The following DRC9 variants were observed in gnomAD, a reference collection of about 807,000 sequenced individuals.
DRC9 encodes the protein dynein regulatory complex subunit 9.
At chr3:197,948,073 C>G in the DRC9 span, among the ~76,000 whole-genome samples, 2 of 151,390 alleles carry the variant, frequency 1.3e-5, no homozygotes, top group Non-Finnish European at 2.9e-5. Context: ...GCTGGGATGA[C>G]AGGCACACAC....
At chr3:197,892,118 G>T in the DRC9 span, among the ~76,000 whole-genome samples, 2 of 152,234 alleles carry the variant, frequency 1.3e-5, no homozygotes, top group Admixed American at 6.5e-5. Flanking sequence ...TCAAACTCCT[G>T]ATCTCTACTG....
At chr3:197,952,081 T>G in the DRC9 span, among the ~76,000 whole-genome samples, 4 of 152,166 alleles carry the variant, frequency 2.6e-5, no homozygotes, top group African/African-American at 9.7e-5. Context: ...CTAATTTTTT[T>G]TCTCGGCTCC....
chr3:197,926,855 C>T, the DRC9 span, among the ~76,000 whole-genome samples: 1 of 152,158 alleles, frequency 6.6e-6, no homozygotes, highest in Non-Finnish European at 1.5e-5. Flanking sequence ...AAGGTTCCCT[C>T]CCCATTTTCT....
At chr3:197,900,319 C>A in the DRC9 span, among the ~76,000 whole-genome samples, 6 of 152,316 alleles carry the variant, frequency 3.9e-5, no homozygotes, top group African/African-American at 1.4e-4. The surrounding 1 kb of genome is among the most constrained non-coding windows in gnomAD (Gnocchi z 4.7). Flanking sequence ...GTCACCCATC[C>A]CCCAACCTCA....
chr3:197,897,123 A>G, the DRC9 span, among the ~76,000 whole-genome samples: 1 of 152,130 alleles, frequency 6.6e-6, no homozygotes, highest in South Asian at 2.1e-4. Context: ...ACAGAAATAA[A>G]GGACTTTTTA....
chr3:197,944,045 G>A, the DRC9 span: 46 of 1,612,390 alleles, frequency 2.9e-5, no homozygotes, highest in Non-Finnish European at 3.9e-5. Context: ...AGTCTTCCAG[G>A]CTGTCTCTAA....
chr3:197,896,065 G>T, the DRC9 span, among the ~76,000 whole-genome samples: 4 of 150,736 alleles, frequency 2.7e-5, no homozygotes, highest in African/African-American at 9.8e-5. Flanking sequence ...AAAAAAGGCT[G>T]GGCGCAGTGG....
the DRC9 span, among the ~76,000 whole-genome samples, chr3:197,952,019 C>T: frequency 1.3e-5 from 2 of 152,168 alleles, no homozygotes; most frequent in East Asian, 1.9e-4. Context: ...ACCTTTTGCA[C>T]TTGTAAGCAA....
the DRC9 span, among the ~76,000 whole-genome samples, chr3:197,937,453 G>A: frequency 1.1e-4 from 16 of 151,696 alleles, no homozygotes; most frequent in African/African-American, 3.6e-4. Flanking sequence ...TTGCTATCAC[G>A]GTCTTTTTCT....
the DRC9 span, among the ~76,000 whole-genome samples, chr3:197,906,043 G>A: frequency 6.6e-6 from 1 of 152,036 alleles, no homozygotes; most frequent in Admixed American, 6.5e-5. Flanking sequence ...CTCATTTGTG[G>A]CAGTTACCAA....
At chr3:197,946,893 G>A in the DRC9 span, among the ~76,000 whole-genome samples, 1 of 152,054 alleles carries the variant, frequency 6.6e-6, no homozygotes, top group Non-Finnish European at 1.5e-5. Context: ...CGCGATCTTG[G>A]CTCACTGCAA....
At chr3:197,891,178 A>G in the DRC9 span, among the ~76,000 whole-genome samples, 2 of 152,180 alleles carry the variant, frequency 1.3e-5, no homozygotes, top group Admixed American at 6.5e-5. Context: ...TAGTAATCTG[A>G]TATTTCGTCT....
At chr3:197,950,077 A>AG in the DRC9 span, 3 of 1,185,888 alleles carry the variant, frequency 2.5e-6, no homozygotes, top group Non-Finnish European at 3.2e-6. Flanking sequence ...GGCTTATTTC[A>AG]GTGCGAAGCC....
At chr3:197,904,108 A>ATT in the DRC9 span, among the ~76,000 whole-genome samples, 5 of 38,688 alleles carry the variant, frequency 1.3e-4, no homozygotes, top group African/African-American at 3.5e-4. Flanking sequence ...ATATATATAT[A>ATT]TATTTTTTTT....
the DRC9 span, chr3:197,938,837 A>C: frequency 8.3e-7 from 1 of 1,200,794 alleles, no homozygotes; most frequent in Admixed American, 1.9e-5. Flanking sequence ...TACAACAAGA[A>C]AGAGGCCTTT....
chr3:197,901,181 C>T, the DRC9 span, among the ~76,000 whole-genome samples: 4 of 152,152 alleles, frequency 2.6e-5, no homozygotes, highest in Admixed American at 6.5e-5. This position sits in a 1 kb window ranked among gnomAD's most constrained non-coding sequence, Gnocchi z 4.4. Context: ...CTCTGTTACC[C>T]AGGCTGGAGT....
the DRC9 span, among the ~76,000 whole-genome samples, chr3:197,893,344 CAAAACTCCGTCTCAAAAAAAAAAA>C: frequency 2.3e-5 from 1 of 43,372 alleles, no homozygotes; most frequent in African/African-American, 1.3e-4. Context: ...GCAATAATAG[CAAAACTCCGTCTCAAAAAAAAAAA>C]AAAAAAAAAA....
chr3:197,940,447 C>G, the DRC9 span, among the ~76,000 whole-genome samples: 21 of 152,110 alleles, frequency 1.4e-4, no homozygotes, highest in African/African-American at 5.1e-4. Context: ...AAATCACTCT[C>G]ATTTCTGGCA....
chr3:197,892,193 G>A, the DRC9 span, among the ~76,000 whole-genome samples: 1 of 152,164 alleles, frequency 6.6e-6, no homozygotes, highest in African/African-American at 2.4e-5. Context: ...CCCAGCAGTA[G>A]CTGACTTTTG....
Sources: gnomAD v4.1 joint callset for allele counts (sites outside exome capture counted in the v4.1 genomes callset) on GRCh38, gnomAD v4.1.1 for gene constraint, Gnocchi (gnomAD v3.1) non-coding constraint, MANE v1.5 for transcripts, NCBI Gene and HGNC (gene_info 2026-07-23, HGNC 2026-07-21) for gene names.